The following TNRC6C variants were observed in gnomAD, a reference collection of about 807,000 sequenced individuals.
TNRC6C encodes the protein trinucleotide repeat-containing gene 6C protein.
TNRC6C carries 20 observed loss-of-function variants against 153.7 expected under a neutral mutation model. The ratio of observed to expected loss-of-function variants is 0.13; its 90% CI spans 0.09 to 0.19. The LOEUF (loss-of-function observed/expected upper bound fraction) is 0.19. Among genes scored for constraint, TNRC6C ranks in the 10% least tolerant of loss-of-function variants. The pLI is 1.00. For missense variants in TNRC6C, 1,987 were observed against 2,172.0 expected, an observed-to-expected ratio of 0.91 and a Z score of 1.69; for synonymous variants, 811 against 841.4, an observed-to-expected ratio of 0.96 and a Z score of 0.63.
chr17:78,067,568 T>C (rs1304742337), intron 4 of TNRC6C, among the ~76,000 whole-genome samples, 189 bp from the exon 7 acceptor site: 1 of 152,192 alleles, frequency 6.6e-6, no homozygotes, highest in Non-Finnish European at 1.5e-5. Flanking sequence ...AAAAATTATA[T>C]ACATATACAT....
At chr17:78,071,533 G>C (rs562322685) in intron 6 of TNRC6C, among the ~76,000 whole-genome samples, 1 of 152,040 alleles carries the variant, frequency 6.6e-6, no homozygotes, top group Admixed American at 6.6e-5. Flanking sequence ...GACTACAGGC[G>C]TGAGCCACCA....
chr17:78,027,120 C>T (rs1392229918), intron 1 of TNRC6C, among the ~76,000 whole-genome samples: 3 of 152,074 alleles, frequency 2.0e-5, no homozygotes, highest in South Asian at 2.1e-4. Flanking sequence ...GAGTGGCCGT[C>T]GCTGATAAAG....
intron 1 of TNRC6C, among the ~76,000 whole-genome samples, chr17:78,028,912 A>G (rs1330261331): frequency 6.6e-6 from 1 of 152,216 alleles, no homozygotes; most frequent in African/African-American, 2.4e-5. Flanking sequence ...GGGACTGACT[A>G]TTGAGGCGCC....
In TNRC6C at chr17:77,994,197, TAAAAA is replaced by T. The variant is rs1167827282; in HGVS notation, c.-37-9971_-37-9967del. Reference sequence around the variant, plus strand: ...GACAGATTGAGACTGTCTCAAAAAATAAAAAAGAAACTATTTAGGCAGACATTCAT... The same window carrying T: ...GACAGATTGAGACTGTCTCAAAAAATAGAAACTATTTAGGCAGACATTCAT... On this transcript the variant is annotated intron_variant, in intron 1 of 22. Transcript: ENST00000636222. Among the ~76,000 whole-genome samples the T allele has an allele frequency of 2.0e-5, 3 of 152,116 alleles. No individual in the cohort carries two copies. In the East Asian group the frequency reaches 5.8e-4, roughly 29 times the overall value.
At chr17:78,072,409 C>T (rs1240949110) in intron 6 of TNRC6C, among the ~76,000 whole-genome samples, 2 of 152,234 alleles carry the variant, frequency 1.3e-5, no homozygotes, top group African/African-American at 2.4e-5. Flanking sequence ...CAGCTCTGCA[C>T]TCCGACAGTG....
intron 10 of TNRC6C, 54 bp from the exon 13 acceptor site, chr17:78,082,993 A>C: frequency 1.3e-5 from 20 of 1,594,944 alleles, no homozygotes; most frequent in Non-Finnish European, 1.7e-5. Flanking sequence ...TACAGGTACA[A>C]GTAACTATTT....
At chr17:78,022,549 TC>T (rs1212241690) in intron 1 of TNRC6C, among the ~76,000 whole-genome samples, 1 of 152,090 alleles carries the variant, frequency 6.6e-6, no homozygotes, top group Non-Finnish European at 1.5e-5. Flanking sequence ...TGAGTTCTAG[TC>T]CCAGTGGTAG....
intron 1 of TNRC6C, among the ~76,000 whole-genome samples, chr17:77,984,143 C>T (rs1396794861): frequency 6.6e-6 from 1 of 152,138 alleles, no homozygotes; most frequent in Non-Finnish European, 1.5e-5. Context: ...GCACTGTAGA[C>T]ATTTCCCTTT....
At chr17:78,078,027 C>G (rs778835008) in intron 9 of TNRC6C, among the ~76,000 whole-genome samples, 1 of 152,206 alleles carries the variant, frequency 6.6e-6, no homozygotes, top group African/African-American at 2.4e-5. Context: ...CACACACACA[C>G]CGCTTGGAGA....
chr17:78,021,156 G>A (rs956359091), intron 1 of TNRC6C, among the ~76,000 whole-genome samples: 6 of 152,348 alleles, frequency 3.9e-5, no homozygotes, highest in South Asian at 2.1e-4. Flanking sequence ...CTTGGAGCTC[G>A]AGGGCAACAC....
Position 78,049,938 on chromosome 17 carries a change from A to C in TNRC6C, c.876A>C (p.Gly292=), listed in dbSNP as rs1469602942. Residue 292 remains glycine (G), a synonymous_variant, in exon 3 of 20, where the codon GGA becomes GGC. Transcript: ENST00000301624. The surrounding 1 kb of genome is among the most constrained non-coding windows in gnomAD (Gnocchi z 4.1). ...CCAGCAGTGCTGTGCAAAAGGAAGG[A>C]AGTGGAGGAAATGCTTGGGATTCAG... 1 of 1,613,920 alleles carries C rather than the reference A, an allele frequency of 6.2e-7. No individual in the cohort carries two copies. Among genetic ancestry groups the C allele is most frequent in the Non-Finnish European group, 8.5e-7 (1 of 1,179,904 alleles).
chr17:77,958,975 C>T (rs1259802465), upstream of TNRC6C, among the ~76,000 whole-genome samples: 3 of 144,400 alleles, frequency 2.1e-5, no homozygotes, highest in African/African-American at 7.5e-5. Flanking sequence ...CGCCTAGGAC[C>T]CGGACCCCGC....
At position 77,983,230 on chromosome 17, in the gene TNRC6C, T is replaced by C. The variant is rs1323238399; in HGVS notation, c.-37-20940T>C. ...CTAGCAACTGAGTTCTGCTGGGATTTGGAGTTCTTATTTTCCAATAGGGAA... is the reference window on the plus strand; with the variant it reads ...CTAGCAACTGAGTTCTGCTGGGATTCGGAGTTCTTATTTTCCAATAGGGAA... On this transcript the variant is annotated intron_variant, in intron 1 of 22. Transcript: ENST00000636222. 2.0e-5 allele frequency among the ~76,000 whole-genome samples: 3 copies of C among 152,188 alleles called. No homozygotes were observed. In the East Asian group the frequency reaches 5.8e-4, roughly 29 times the overall value.
At chr17:78,050,702 G>A (rs1395312868) in exon 3 of TNRC6C, 11 of 1,576,202 alleles carry the variant, frequency 7.0e-6, no homozygotes, top group East Asian at 2.2e-5. Context: ...ACTGCTGTTA[G>A]TACTGCTGCT....
intron 7 of TNRC6C, among the ~76,000 whole-genome samples, chr17:78,073,423 C>T (rs530278995): frequency 1.3e-5 from 2 of 152,356 alleles, no homozygotes; most frequent in South Asian, 4.1e-4. Context: ...GTGCGTTCCT[C>T]GTGCCTTGCC....
At position 78,064,866 on chromosome 17, in the gene TNRC6C, A is replaced by G. The variant is rs774634227; in HGVS notation, c.2540A>G (p.His847Arg). Reference sequence around the variant, plus strand: ...AGCAGTGGCAGCGGGTGGGGAGATCACCCTGCAGAGCCGCCGGTGGCATTT... The same window carrying G: ...AGCAGTGGCAGCGGGTGGGGAGATCGCCCTGCAGAGCCGCCGGTGGCATTT... The change falls in exon 4 of 20, where the codon CAC becomes CGC. Residue 847 changes from histidine (H) to arginine (R), a missense_variant. Around this residue, in one of 4 missense-constraint regions of TNRC6C, gnomAD observed 765 missense variants for 908.6 expected, o/e 0.84. Transcript: ENST00000301624. 4.2e-5 allele frequency: 67 copies of G among 1,610,920 alleles called. No homozygotes were observed. Among genetic ancestry groups the G allele is most frequent in the Admixed American group, 3.4e-4 (20 of 59,312 alleles).
At chr17:78,036,179 C>T (rs189834953) in intron 2 of TNRC6C, among the ~76,000 whole-genome samples, 125 of 152,274 alleles carry the variant, frequency 8.2e-4, no homozygotes, top group Admixed American at 1.4e-3. Flanking sequence ...GCTTCGCACA[C>T]GAATTTCTGT....
At chr17:78,072,950 T>C in intron 6 of TNRC6C, 87 bp from the exon 9 acceptor site, 1 of 946,318 alleles carries the variant, frequency 1.1e-6, no homozygotes. Context: ...AATAACTATG[T>C]CTTTAAGTTG....
chr17:78,094,782 G>A (rs1166236393), intron 16 of TNRC6C, among the ~76,000 whole-genome samples: 2 of 152,234 alleles, frequency 1.3e-5, no homozygotes, highest in Non-Finnish European at 2.9e-5. Flanking sequence ...AAATGTGCCT[G>A]TGGTTTGGCT....
Sources: gnomAD v4.1 joint callset for allele counts (sites outside exome capture counted in the v4.1 genomes callset) on GRCh38, gnomAD v4.1.1 for gene constraint, gnomAD v4.1.1 regional missense constraint, Gnocchi (gnomAD v3.1) non-coding constraint, MANE v1.5 for transcripts, NCBI Gene and HGNC (gene_info 2026-07-23, HGNC 2026-07-21) for gene names.